Variants in FAAH2 observed in about 807,000 individuals in gnomAD.
The protein encoded by FAAH2 is fatty-acid amide hydrolase 2.
Under a neutral mutation model 36.9 loss-of-function variants are expected in FAAH2, and 60 were observed. The ratio of observed to expected loss-of-function variants is 1.63; its 90% confidence interval spans 1.32 to 2.02. The LOEUF (loss-of-function observed/expected upper bound fraction) is 2.02, where lower values mean the gene tolerates loss of function less well. Among genes scored for constraint, FAAH2 ranks in the 30% most tolerant of loss-of-function variants. FAAH2 has a pLI of 0.00. For synonymous variants in FAAH2, 214 were observed against 143.8 expected (o/e 1.49, Z -3.49); for missense variants, 689 against 397.5 (o/e 1.73, Z -6.23).
At chrX:57,252,267 C>T in the FAAH2 span, among the ~76,000 whole-genome samples, 1 of 112,824 alleles carries the variant, frequency 8.9e-6, no homozygotes, top group African/African-American at 3.2e-5. Flanking sequence ...CACCGCAGCT[C>T]AGCAAGACGT....
the FAAH2 span, among the ~76,000 whole-genome samples, chrX:57,147,574 T>C: frequency 8.9e-6 from 1 of 112,189 alleles, no homozygotes. Flanking sequence ...CGCTCTGATC[T>C]TGGTTATTTC....
intron 7 of FAAH2, among the ~76,000 whole-genome samples, chrX:57,418,264 G>T (rs1028999669): frequency 1.8e-5 from 2 of 111,033 alleles, no homozygotes; most frequent in African/African-American, 6.6e-5. Context: ...TGTTCCAGGC[G>T]CCACCGGGCT....
intron 7 of FAAH2, among the ~76,000 whole-genome samples, chrX:57,406,282 G>A (rs972022174): frequency 3.6e-5 from 4 of 112,089 alleles, no homozygotes; most frequent in African/African-American, 1.3e-4. Context: ...CATATGATCT[G>A]GCACACTATC....
At chrX:57,297,259 C>T (rs867236336) in intron 2 of FAAH2, among the ~76,000 whole-genome samples, 65 of 99,836 alleles carry the variant, frequency 6.5e-4, no homozygotes, top group African/African-American at 1.2e-3. Flanking sequence ...GATCTCTCGG[C>T]AGAAACTCTA....
the FAAH2 span, among the ~76,000 whole-genome samples, chrX:57,234,786 A>G: frequency 1.2e-4 from 13 of 111,839 alleles, no homozygotes; most frequent in East Asian, 3.7e-3. Context: ...CATGGTTCAC[A>G]CCTGTAATCC....
intron 4 of FAAH2, among the ~76,000 whole-genome samples, chrX:57,339,934 A>G (rs2053645719): frequency 9.0e-6 from 1 of 111,715 alleles, no homozygotes. Context: ...GACAGAACTA[A>G]TAGGATAGAT....
At chrX:57,432,937 A>G (rs1367164351) in intron 8 of FAAH2, among the ~76,000 whole-genome samples, 3 of 108,320 alleles carry the variant, frequency 2.8e-5, no homozygotes, top group African/African-American at 6.7e-5. Flanking sequence ...TAGCCCTTCC[A>G]TAAGGCAGAA....
chrX:57,124,703 T>C, the FAAH2 span, among the ~76,000 whole-genome samples: 210 of 111,871 alleles, frequency 1.9e-3, no homozygotes, highest in African/African-American at 6.4e-3. Flanking sequence ...GTAGTTCTCC[T>C]TGAAGAGGCC....
the FAAH2 span, among the ~76,000 whole-genome samples, chrX:57,166,037 A>G: frequency 0.12 from 13,545 of 110,314 alleles, 1,981 homozygotes; most frequent in African/African-American, 0.42. Flanking sequence ...TGTTGAGAGG[A>G]GCAGAGTAAT....
intron 2 of FAAH2, among the ~76,000 whole-genome samples, chrX:57,308,118 C>T (rs1318655312): frequency 9.0e-6 from 1 of 110,958 alleles, no homozygotes; most frequent in African/African-American, 3.3e-5. Flanking sequence ...ATGCAAGTGT[C>T]TTTTTGGTAA....
At chrX:57,192,871 T>C in the FAAH2 span, among the ~76,000 whole-genome samples, 1 of 112,336 alleles carries the variant, frequency 8.9e-6, no homozygotes, top group Admixed American at 9.4e-5. Flanking sequence ...CCTATGCCTG[T>C]CTTTACTTTA....
chrX:57,136,069 G>A, the FAAH2 span: 1 of 1,204,162 alleles, frequency 8.3e-7, no homozygotes, highest in Non-Finnish European at 1.1e-6. Context: ...TCATCTAGAA[G>A]CTGGTACATG....
intron 3 of FAAH2, 30 bp from the exon 4 acceptor site, chrX:57,331,568 T>A: frequency 8.6e-7 from 1 of 1,165,271 alleles, no homozygotes; most frequent in Non-Finnish European, 1.2e-6. Context: ...TTTAATAATT[T>A]TTAAACATTC....
chrX:57,231,006 G>A, the FAAH2 span, among the ~76,000 whole-genome samples: 2 of 105,598 alleles, frequency 1.9e-5, no homozygotes, highest in Non-Finnish European at 3.9e-5. Context: ...ATTTGAGGTC[G>A]AGGATAATGA....
chrX:57,155,372 G>T, the FAAH2 span, among the ~76,000 whole-genome samples: 1 of 111,576 alleles, frequency 9.0e-6, no homozygotes, highest in Non-Finnish European at 1.9e-5. Flanking sequence ...GTGATTCCCA[G>T]TCAATGAGTT....
chrX:57,372,875 C>T (rs2054586738), intron 5 of FAAH2, among the ~76,000 whole-genome samples: 1 of 110,118 alleles, frequency 9.1e-6, no homozygotes, highest in African/African-American at 3.3e-5. Flanking sequence ...CCTCACCCTC[C>T]TCTCACCCTT....
At chrX:57,202,139 G>A in the FAAH2 span, among the ~76,000 whole-genome samples, 9 of 111,625 alleles carry the variant, frequency 8.1e-5, no homozygotes, top group South Asian at 3.7e-4. Context: ...TTGGTTCCTC[G>A]TGCCTTATTT....
intron 5 of FAAH2, among the ~76,000 whole-genome samples, chrX:57,368,061 C>T (rs1431515088): frequency 1.8e-5 from 2 of 111,187 alleles, no homozygotes; most frequent in African/African-American, 6.6e-5. Context: ...TACACCATTA[C>T]TCAGCCAAAC....
the FAAH2 span, among the ~76,000 whole-genome samples, chrX:57,220,273 C>T: frequency 9.1e-6 from 1 of 109,359 alleles, no homozygotes; most frequent in African/African-American, 3.4e-5. Context: ...TCAGCTGTAT[C>T]CACTTATTTT....
Sources: gnomAD v4.1 joint callset for allele counts (sites outside exome capture counted in the v4.1 genomes callset) on GRCh38, gnomAD v4.1.1 for gene constraint, MANE v1.5 for transcripts, NCBI Gene and HGNC (gene_info 2026-07-23, HGNC 2026-07-21) for gene names.